ABCA12: variants seen among roughly 807,000 people sequenced by gnomAD.
ABCA12 encodes the protein ATP binding cassette subfamily A member 12.
ABCA12 carries 156 observed loss-of-function variants against 293.5 expected under a neutral mutation model. The observed-to-expected ratio is 0.53, with a 90% CI of 0.47 to 0.61. ABCA12 has a LOEUF of 0.61. Ranked by LOEUF, ABCA12 falls within the 20% of genes least tolerant of loss-of-function variation. The pLI, the probability that ABCA12 is intolerant of heterozygous loss-of-function variation, is 0.00. For missense variants in ABCA12, 2,797 were observed against 3,090.2 expected, an observed-to-expected ratio of 0.91 and a Z score of 2.25; for synonymous variants, 1,063 against 1,108.0, an observed-to-expected ratio of 0.96 and a Z score of 0.81.
intron 1 of ABCA12, among the ~76,000 whole-genome samples, chr2:215,118,383 C>T (rs1038925475): frequency 6.6e-6 from 1 of 151,894 alleles, no homozygotes; most frequent in Non-Finnish European, 1.5e-5. Flanking sequence ...GCCTGGGTGA[C>T]AGAGTGAGAC....
intron 1 of ABCA12, 79 bp from the exon 2 acceptor site, chr2:215,111,769 T>A: frequency 3.0e-6 from 3 of 997,766 alleles, no homozygotes; most frequent in Non-Finnish European, 4.8e-6. Flanking sequence ...AAAAAGTATG[T>A]CATACTATAA....
At chr2:215,070,308 T>C (rs1701711579) in intron 2 of ABCA12, among the ~76,000 whole-genome samples, 1 of 152,310 alleles carries the variant, frequency 6.6e-6, no homozygotes, top group Admixed American at 6.5e-5. Context: ...TGGGCAGGTA[T>C]TGTGTGCTTG....
intron 1 of ABCA12, among the ~76,000 whole-genome samples, chr2:215,133,409 G>C (rs929839905): frequency 6.6e-6 from 1 of 151,538 alleles, no homozygotes; most frequent in Admixed American, 6.6e-5. Flanking sequence ...ATAATGTGTA[G>C]GTTTGGTCAC....
chr2:214,935,798 TA>T (rs76385248), intron 51 of ABCA12, among the ~76,000 whole-genome samples: 2 of 152,174 alleles, frequency 1.3e-5, no homozygotes, highest in Non-Finnish European at 2.9e-5. Context: ...CTCTGTGTCT[TA>T]AAAAAAATTT....
intron 1 of ABCA12, among the ~76,000 whole-genome samples, chr2:215,121,408 A>T (rs1041522713): frequency 2.0e-5 from 3 of 152,232 alleles, no homozygotes; most frequent in Non-Finnish European, 4.4e-5. Flanking sequence ...TATATAAAGT[A>T]CACTCTCTCT....
intron 19 of ABCA12, among the ~76,000 whole-genome samples, chr2:215,005,326 G>T (rs1334394652): frequency 6.6e-6 from 1 of 152,160 alleles, no homozygotes; most frequent in Non-Finnish European, 1.5e-5. Context: ...TTTTATGTAA[G>T]TGAGGCTTGA....
chr2:215,042,927 A>G (rs1701128930), intron 7 of ABCA12, among the ~76,000 whole-genome samples: 1 of 152,136 alleles, frequency 6.6e-6, no homozygotes, highest in African/African-American at 2.4e-5. Flanking sequence ...CCACATAAAA[A>G]TGAGATTATG....
chr2:214,935,694 G>C (rs1036577985), intron 51 of ABCA12, among the ~76,000 whole-genome samples: 5 of 152,132 alleles, frequency 3.3e-5, no homozygotes, highest in African/African-American at 9.7e-5. Flanking sequence ...CTACTTGTGA[G>C]GCAGAGGTGG....
chr2:215,049,707 T>C lies in ABCA12; in HGVS notation c.612A>G (p.Arg204=), dbSNP rs1292810275. 1.9e-5 allele frequency: 31 copies of C among 1,613,580 alleles called. No individual in the cohort carries two copies. Among genetic ancestry groups the C allele is most frequent in the Non-Finnish European group, 2.6e-5 (31 of 1,179,778 alleles). The change falls in exon 6 of 53, where the codon AGA becomes AGG. Residue 204 remains arginine (R), a synonymous_variant. Transcript: ENST00000272895. The part of the protein sequence containing the change: ...DDAFSWTFLG[R]NVFNKFCLSN... ...AAAGGCAAAATTTGTTAAAAACATT[T>C]CTTCCTAGAAAGGTCCAAGAGAAGG...
At chr2:215,038,445 G>A (rs187841407) in intron 7 of ABCA12, among the ~76,000 whole-genome samples, 2 of 152,242 alleles carry the variant, frequency 1.3e-5, no homozygotes, top group African/African-American at 2.4e-5. Context: ...GTGGGGAGGA[G>A]GAGGGCAGAA....
In ABCA12 at chr2:214,948,636, T is replaced by C; in HGVS notation, c.7064A>G (p.Tyr2355Cys). Residue 2355 changes from tyrosine to cysteine, a missense_variant, in exon 47 of 53, where the codon TAT (tyrosine) becomes TGT (cysteine). By Grantham distance (194) the Tyr-to-Cys change is radical. Transcript: ENST00000272895. ...LVTVEEHLYF[Y>C]ARVHGIPEKD... ...TTCTGGAATTCCATGTACCCTGGCATAGAAATACAAATGTTCTTCCACAGT... is the reference window on the plus strand; with the variant it reads ...TTCTGGAATTCCATGTACCCTGGCACAGAAATACAAATGTTCTTCCACAGT... The C allele has an allele frequency of 6.2e-7, 1 of 1,614,094 alleles. No individual in the cohort carries two copies. The highest frequency in any genetic ancestry group is 8.5e-7 in the Non-Finnish European group (1 of 1,179,978).
chr2:215,023,097 C>T (rs1700665558), intron 11 of ABCA12: 2 of 152,148 alleles, frequency 1.3e-5, no homozygotes, highest in South Asian at 2.1e-4. Context: ...ATGAATAAAG[C>T]GTTAGATTGG....
At chr2:214,950,294 C>G (rs898887304) in intron 45 of ABCA12, among the ~76,000 whole-genome samples, 2 of 150,818 alleles carry the variant, frequency 1.3e-5, no homozygotes, top group African/African-American at 4.9e-5. Flanking sequence ...AACCAATCTC[C>G]CATGGATATG....
At chr2:214,997,473 G>A (rs1298279694) in intron 23 of ABCA12, among the ~76,000 whole-genome samples, 1 of 152,090 alleles carries the variant, frequency 6.6e-6, no homozygotes, top group African/African-American at 2.4e-5. Flanking sequence ...TTATTCAGAT[G>A]TTGTTTTTCA....
rs71399167 is a variant in ABCA12, at chr2:214,989,179, A to AATAC, written c.3829+146_3829+149dup. The AATAC allele has an allele frequency of 3.1e-3, 126 of 40,098 alleles. 18 individuals carry two copies. Among genetic ancestry groups the AATAC allele is most frequent in the Admixed American group, 3.2e-3 (8 of 2,524 alleles). 2.5% of individuals were successfully genotyped at this position (40,098 alleles called of 1,614,324 possible). ...GGGCAACAGAGGGAGACTCCATCTCAATACATACATATATATATATATATA... is the reference window on the plus strand; with the variant it reads ...GGGCAACAGAGGGAGACTCCATCTCAATACATACATACATATATATATATATATA... On this transcript the variant is annotated intron_variant, in intron 26 of 52. Transcript: ENST00000272895.
intron 8 of ABCA12, among the ~76,000 whole-genome samples, chr2:215,036,466 G>A (rs896208118): frequency 5.9e-5 from 9 of 152,174 alleles, no homozygotes; most frequent in African/African-American, 2.2e-4. Flanking sequence ...GTATGTGTCT[G>A]TGTGTATGTA....
chr2:215,019,775 T>A lies in ABCA12; in HGVS notation c.1309A>T (p.Thr437Ser). 6.2e-7 allele frequency: 1 copy of A among 1,613,024 alleles called. No individual in the cohort carries two copies. Among genetic ancestry groups the A allele is most frequent in the Non-Finnish European group, 8.5e-7 (1 of 1,180,024 alleles). The change falls in exon 12 of 53, where the codon ACC becomes TCC. Residue 437 changes from threonine to serine, a missense_variant. Transcript: ENST00000272895. Reference sequence around the variant, plus strand: ...GTTTCAGATTCACAAAGAAGTTCGGTCAAGTTTCGAAGTTGAGACAGCTTT... The same window carrying A: ...GTTTCAGATTCACAAAGAAGTTCGGACAAGTTTCGAAGTTGAGACAGCTTT... ...KSKLSQLRNL[T>S]ELLCESETFS... is the part of the protein sequence containing the mutation.
rs769094874 is a variant in ABCA12 at position 214,932,663 on chromosome 2, C to G, written c.7759G>C (p.Asp2587His). ...GACTCCATCTGGTCATCTTGTGAGT[C>G]AACACTTATAGTGGAACCTTGGCTG... ...TSSQGSTISV[D>H]SQDDQMES Residue 2587 changes from aspartate to histidine, a missense_variant, in exon 53 of 53, where the codon GAC (aspartate) becomes CAC (histidine). Asp to His is a moderately conservative substitution (Grantham distance 81). This residue lies in a region of ABCA12 where 2,130 missense variants were observed against 2,427.0 expected (regional missense o/e 0.88). Transcript: ENST00000272895. The G allele has an allele frequency of 6.2e-7, 1 of 1,613,406 alleles. No individual in the cohort carries two copies. The highest frequency in any genetic ancestry group is 1.1e-5 in the South Asian group (1 of 91,032).
At chr2:214,955,415 C>T (rs896944010) in intron 42 of ABCA12, 54 bp from the exon 43 acceptor site, 1 of 1,573,806 alleles carries the variant, frequency 6.4e-7, no homozygotes, top group African/African-American at 1.4e-5. Flanking sequence ...GGCATGGTGG[C>T]TCACACCTGT....
Sources: allele counts gnomAD v4.1 joint callset (sites outside exome capture counted in the v4.1 genomes callset), GRCh38; gene constraint gnomAD v4.1.1; regional missense constraint gnomAD v4.1.1; transcripts MANE v1.5; gene names NCBI Gene and HGNC (gene_info 2026-07-23, HGNC 2026-07-21).